The following PDZD2 variants were observed in gnomAD, a reference collection of about 807,000 sequenced individuals.
PDZD2 encodes PDZ domain containing 2.
In PDZD2, 90 loss-of-function variants were observed where a neutral mutation model predicts 220.7. The observed-to-expected ratio is 0.41, with a 90% CI of 0.34 to 0.49. PDZD2 has a LOEUF of 0.49. Ranked by LOEUF, PDZD2 falls within the 20% of genes least tolerant of loss-of-function variation. The pLI, the probability that PDZD2 is intolerant of heterozygous loss-of-function variation, is 0.28. For synonymous variants in PDZD2, 1,375 were observed against 1,450.5 expected (o/e 0.95, Z 1.18); for missense variants, 3,174 against 3,608.5 (o/e 0.88, Z 3.08).
intron 1 of PDZD2, among the ~76,000 whole-genome samples, chr5:31,736,307 C>T (rs1252243034): frequency 3.3e-5 from 5 of 152,132 alleles, no homozygotes; most frequent in Admixed American, 6.6e-5. Context: ...GTGGGTGCTA[C>T]GGCAGTGTAT....
chr5:32,019,795 T>C (rs1193059727), intron 6 of PDZD2, among the ~76,000 whole-genome samples: 2 of 152,202 alleles, frequency 1.3e-5, no homozygotes, highest in Non-Finnish European at 2.9e-5. Flanking sequence ...TAATAAAGTT[T>C]CTTGGCCCTG....
At chr5:31,810,087 T>C (rs542948711) in intron 2 of PDZD2, among the ~76,000 whole-genome samples, 1 of 152,308 alleles carries the variant, frequency 6.6e-6, no homozygotes, top group Admixed American at 6.5e-5. Context: ...GTGGTTATAG[T>C]GTTACTGGTC....
chr5:31,991,118 G>A (rs1581227484), intron 3 of PDZD2, among the ~76,000 whole-genome samples: 1 of 152,212 alleles, frequency 6.6e-6, no homozygotes, highest in African/African-American at 2.4e-5. Flanking sequence ...GTTCGCATAT[G>A]CCACCTTGGA....
chr5:32,050,826 T>C (rs948015000), intron 8 of PDZD2, among the ~76,000 whole-genome samples: 1 of 152,036 alleles, frequency 6.6e-6, no homozygotes, highest in Non-Finnish European at 1.5e-5. Context: ...CTGTCTTAAA[T>C]AAACAAATAA....
intron 6 of PDZD2, among the ~76,000 whole-genome samples, chr5:32,022,709 C>CAAA (rs1303115064): frequency 1.3e-5 from 2 of 152,026 alleles, no homozygotes; most frequent in Non-Finnish European, 2.9e-5. Flanking sequence ...ATAACATGTA[C>CAAA]AGTGGTCCTC....
At position 31,946,870 on chromosome 5, in the gene PDZD2, A is replaced by T. The variant is rs190441532; in HGVS notation, c.477-36285A>T. ...TACACACCACCACTGGCTAGTTTTT[A>T]AAAATATTTTTTGTAGAGACATGGG... On this transcript the variant is annotated intron_variant, in intron 2 of 24. Transcript: ENST00000438447. Among the ~76,000 whole-genome samples, 578 of 152,234 alleles carry T rather than the reference A, an allele frequency of 3.8e-3. 13 individuals carry two copies. The highest frequency in any genetic ancestry group is 0.025 in the Admixed American group (385 of 15,292).
intron 5 of PDZD2, among the ~76,000 whole-genome samples, chr5:32,008,470 C>T (rs1456914793): frequency 1.3e-5 from 2 of 151,882 alleles, no homozygotes; most frequent in South Asian, 2.1e-4. Context: ...TTAGTAGAGA[C>T]GGATGGGGTT....
chr5:32,016,485 T>C (rs984905934), intron 6 of PDZD2, among the ~76,000 whole-genome samples: 9 of 151,796 alleles, frequency 5.9e-5, no homozygotes, highest in Non-Finnish European at 5.9e-5. Flanking sequence ...AGACACGGAG[T>C]CTGACTGGAA....
rs185598988 is a variant in PDZD2, at chr5:31,933,722, A to G, written c.477-49433A>G. Reference sequence around the variant, plus strand: ...CCCTGTGATGTTGGAAAGCTTCCTCATGTTCCTGTGGGCCTCTGTTTCCAC... The same window carrying G: ...CCCTGTGATGTTGGAAAGCTTCCTCGTGTTCCTGTGGGCCTCTGTTTCCAC... On this transcript the variant is annotated intron_variant, in intron 2 of 24. Transcript: ENST00000438447. Among the ~76,000 whole-genome samples, 3 of 152,262 alleles carry G rather than the reference A, an allele frequency of 2.0e-5. No individual in the cohort carries two copies. The East Asian group carries it at 5.8e-4, about 29-fold the overall frequency.
intron 2 of PDZD2, among the ~76,000 whole-genome samples, chr5:31,967,331 C>T (rs1748849441): frequency 6.6e-6 from 1 of 152,160 alleles, no homozygotes; most frequent in African/African-American, 2.4e-5. Context: ...TTAGAGTCAC[C>T]TCTGAGGAAG....
chr5:31,671,938 C>G (rs1189180031), intron 1 of PDZD2, among the ~76,000 whole-genome samples: 1 of 152,146 alleles, frequency 6.6e-6, no homozygotes, highest in African/African-American at 2.4e-5. Context: ...TCAGTTCTCT[C>G]CTGGATGTTT....
intron 5 of PDZD2, among the ~76,000 whole-genome samples, chr5:32,002,927 ACC>A (rs2112019835): frequency 1.0e-5 from 1 of 97,990 alleles, no homozygotes; most frequent in Admixed American, 1.1e-4. Context: ...CACCACACAC[ACC>A]TCACACACCA....
intron 6 of PDZD2, among the ~76,000 whole-genome samples, chr5:32,018,122 G>A (rs1348645349): frequency 6.6e-6 from 1 of 152,218 alleles, no homozygotes; most frequent in Non-Finnish European, 1.5e-5. Flanking sequence ...GTACCGAAAT[G>A]CAGAAGGATC....
intron 1 of PDZD2, among the ~76,000 whole-genome samples, chr5:31,650,798 T>C (rs1386762988): frequency 1.3e-5 from 2 of 152,228 alleles, no homozygotes; most frequent in Non-Finnish European, 2.9e-5. Flanking sequence ...TGATGTTCCT[T>C]ACACATGAAG....
intron 1 of PDZD2, among the ~76,000 whole-genome samples, chr5:31,679,638 G>A (rs981751382): frequency 4.6e-5 from 7 of 152,144 alleles, no homozygotes; most frequent in African/African-American, 1.7e-4. Flanking sequence ...CTCCCTAGTA[G>A]CTGGGATTAC....
chr5:31,815,245 C>CAAA lies in PDZD2; in HGVS notation c.476+15544_476+15546dup, dbSNP rs59040987. On this transcript the variant is annotated intron_variant, in intron 2 of 24. Transcript: ENST00000438447. ...AGGCAACAAGAGCAAAACTCTGTCT[C>CAAA]AAAAAAAAAAAAAAAAAAAAAAAAA... Among the ~76,000 whole-genome samples the CAAA allele has an allele frequency of 2.1e-3, 123 of 57,870 alleles. 2 individuals are homozygous for CAAA. The highest frequency in any genetic ancestry group is 5.6e-3 in the African/African-American group (82 of 14,768). The allele number at this position is 57,870 out of a possible 152,430, so 38.0% of individuals were successfully genotyped here.
At chr5:31,838,230 G>A (rs924089641) in intron 2 of PDZD2, among the ~76,000 whole-genome samples, 2 of 152,098 alleles carry the variant, frequency 1.3e-5, no homozygotes, top group Admixed American at 6.5e-5. Context: ...GCTAATTTTT[G>A]TATTTTTATT....
At chr5:31,855,132 G>A (rs937832459) in intron 2 of PDZD2, 1 of 984,782 alleles carries the variant, frequency 1.0e-6, no homozygotes, top group Non-Finnish European at 1.2e-6. Context: ...CAGGAGCTCC[G>A]GAGAGGAACC....
At chr5:31,805,691 T>C (rs1754671963) in intron 2 of PDZD2, among the ~76,000 whole-genome samples, 1 of 152,236 alleles carries the variant, frequency 6.6e-6, no homozygotes. Context: ...GGTTGAATTA[T>C]GTCCCCCCAA....
Sources: allele counts gnomAD v4.1 joint callset (sites outside exome capture counted in the v4.1 genomes callset), GRCh38; gene constraint gnomAD v4.1.1; transcripts MANE v1.5; gene names NCBI Gene and HGNC (gene_info 2026-07-23, HGNC 2026-07-21).